The following DOCK3 variants were observed in gnomAD, a reference collection of about 807,000 sequenced individuals.
DOCK3 encodes dedicator of cytokinesis protein 3.
DOCK3 carries 60 observed loss-of-function variants against 265.6 expected under a neutral mutation model. That is an observed-to-expected ratio of 0.23 (90% CI 0.18 to 0.28). The LOEUF (loss-of-function observed/expected upper bound fraction) is 0.28, where lower values mean the gene tolerates loss of function less well. Ranked by LOEUF, DOCK3 falls within the 10% of genes least tolerant of loss-of-function variation. The pLI is 1.00. For synonymous variants in DOCK3, 881 were observed against 938.0 expected, an observed-to-expected ratio of 0.94 and a Z score of 1.11; for missense variants, 1,981 against 2,594.3, an observed-to-expected ratio of 0.76 and a Z score of 5.14.
chr3:50,725,225 AAG>A (rs1345037323), intron 1 of DOCK3, among the ~76,000 whole-genome samples: 1 of 152,210 alleles, frequency 6.6e-6, no homozygotes, highest in African/African-American at 2.4e-5. Context: ...ATATGACAAT[AAG>A]AGCACAAATG....
At chr3:51,225,626 A>T (rs934370210) in intron 14 of DOCK3, 23 bp from the exon 15 acceptor site, 2 of 1,603,020 alleles carry the variant, frequency 1.2e-6, no homozygotes, top group South Asian at 1.1e-5. Context: ...AGTCATAAGG[A>T]TGTGGCATTT....
chr3:50,729,824 A>ATTTTTTTTTTTT (rs60842906), intron 1 of DOCK3, among the ~76,000 whole-genome samples: 1 of 109,058 alleles, frequency 9.2e-6, no homozygotes. Context: ...TCTGAATTTC[A>ATTTTTTTTTTTT]TTTTTTTTTT....
At chr3:51,286,620 C>T (rs932633023) in intron 27 of DOCK3, among the ~76,000 whole-genome samples, 6 of 152,066 alleles carry the variant, frequency 3.9e-5, no homozygotes, top group Admixed American at 2.6e-4. Flanking sequence ...AAAAAATAGA[C>T]ACATAGACCA....
chr3:51,377,659 C>G (rs1240669059), intron 51 of DOCK3, among the ~76,000 whole-genome samples: 3 of 152,236 alleles, frequency 2.0e-5, no homozygotes. Context: ...CAAAGGTCTA[C>G]TGGCCCCACT....
At position 51,185,181 on chromosome 3, in the gene DOCK3, A is replaced by T. The variant is rs573714878; in HGVS notation, c.1038-23593A>T. 2.6e-5 allele frequency among the ~76,000 whole-genome samples: 4 copies of T among 152,310 alleles called. No homozygotes were observed. The South Asian group carries it at 8.3e-4, about 32-fold the overall frequency. Reference sequence around the variant, plus strand: ...GGTTAAAACTAAGAAAATCTGAAAAATTTGAATAAAGTATGGACTTAACTA... The same window carrying T: ...GGTTAAAACTAAGAAAATCTGAAAATTTTGAATAAAGTATGGACTTAACTA... On this transcript the variant is annotated intron_variant, in intron 12 of 52. Coordinates refer to ENST00000266037, the MANE Select transcript of DOCK3 (RefSeq NM_004947.5).
At chr3:50,713,228 T>G (rs2036881762) in intron 1 of DOCK3, among the ~76,000 whole-genome samples, 1 of 152,244 alleles carries the variant, frequency 6.6e-6, no homozygotes, top group South Asian at 2.1e-4. Context: ...CCATTTGTGG[T>G]TCTTTATCTT....
At chr3:51,184,020 A>T (rs1170161821) in intron 12 of DOCK3, among the ~76,000 whole-genome samples, 1 of 152,144 alleles carries the variant, frequency 6.6e-6, no homozygotes, top group African/African-American at 2.4e-5. Context: ...AAACAAACAA[A>T]AAAATACAGG....
intron 9 of DOCK3, among the ~76,000 whole-genome samples, chr3:51,100,951 C>G (rs1158726307): frequency 6.6e-6 from 1 of 151,354 alleles, no homozygotes; most frequent in Non-Finnish European, 1.5e-5. Flanking sequence ...CACGCCACCA[C>G]GCCTGGCTAA....
intron 4 of DOCK3, among the ~76,000 whole-genome samples, chr3:50,896,934 T>G (rs1559783365): frequency 6.6e-6 from 1 of 150,962 alleles, no homozygotes; most frequent in African/African-American, 2.4e-5. Flanking sequence ...TGCCTCCAGC[T>G]TTCTTTTTGC....
intron 1 of DOCK3, among the ~76,000 whole-genome samples, chr3:50,696,690 G>A (rs952759066): frequency 3.9e-5 from 6 of 152,094 alleles, no homozygotes; most frequent in African/African-American, 1.4e-4. Flanking sequence ...GGGGTGGGGT[G>A]GGGTAGGTGT....
intron 3 of DOCK3, among the ~76,000 whole-genome samples, chr3:50,887,074 G>A (rs2048380745): frequency 2.0e-5 from 3 of 152,176 alleles, no homozygotes; most frequent in East Asian, 1.9e-4. Flanking sequence ...GAATCCAGGA[G>A]CTGGTTTTTT....
At chr3:51,176,487 G>A (rs930530995) in intron 12 of DOCK3, among the ~76,000 whole-genome samples, 2 of 152,072 alleles carry the variant, frequency 1.3e-5, no homozygotes, top group Admixed American at 6.6e-5. Flanking sequence ...TTAGCCAAGC[G>A]TGGTGGCGGG....
At chr3:50,810,130 G>T (rs1387872347) in intron 2 of DOCK3, among the ~76,000 whole-genome samples, 1 of 152,146 alleles carries the variant, frequency 6.6e-6, no homozygotes, top group Non-Finnish European at 1.5e-5. Flanking sequence ...GGGAGAACCT[G>T]TCTCAAAAAA....
intron 4 of DOCK3, among the ~76,000 whole-genome samples, chr3:50,905,351 G>A (rs1299150149): frequency 6.6e-6 from 1 of 152,004 alleles, no homozygotes; most frequent in Non-Finnish European, 1.5e-5. Flanking sequence ...ATTACCTTGG[G>A]CAGTATGGCC....
chr3:51,128,644 C>G (rs2084374372), intron 9 of DOCK3, among the ~76,000 whole-genome samples: 1 of 152,198 alleles, frequency 6.6e-6, no homozygotes, highest in Non-Finnish European at 1.5e-5. Flanking sequence ...GGATGAACCT[C>G]TGCGCTTTCT....
chr3:51,306,557 C>T (rs2109437022), intron 27 of DOCK3, among the ~76,000 whole-genome samples: 1 of 152,210 alleles, frequency 6.6e-6, no homozygotes, highest in South Asian at 2.1e-4. Context: ...TAATGATGCC[C>T]CACAGGTATC....
At chr3:51,185,859 C>T (rs537800845) in intron 12 of DOCK3, among the ~76,000 whole-genome samples, 1 of 152,290 alleles carries the variant, frequency 6.6e-6, no homozygotes, top group East Asian at 1.9e-4. Flanking sequence ...TCCTTGCCTT[C>T]CACCATGATT....
At chr3:51,177,938 C>T (rs1035347193) in intron 12 of DOCK3, among the ~76,000 whole-genome samples, 6 of 150,486 alleles carry the variant, frequency 4.0e-5, no homozygotes, top group South Asian at 2.1e-4. Context: ...TTGCAGTAGC[C>T]GAGATCATGC....
intron 5 of DOCK3, among the ~76,000 whole-genome samples, chr3:51,005,599 T>G (rs1182113421): frequency 6.6e-6 from 1 of 152,182 alleles, no homozygotes; most frequent in African/African-American, 2.4e-5. Flanking sequence ...TCTCAATGGT[T>G]TAGGCAAAAG....
Sources: gnomAD v4.1 joint callset for allele counts (sites outside exome capture counted in the v4.1 genomes callset) on GRCh38, gnomAD v4.1.1 for gene constraint, MANE v1.5 for transcripts, NCBI Gene and HGNC (gene_info 2026-07-23, HGNC 2026-07-21) for gene names.